SORCS1: variants seen among roughly 807,000 people sequenced by gnomAD.
SORCS1 encodes the protein VPS10 domain-containing receptor SorCS1.
SORCS1 carries 60 observed loss-of-function variants against 146.1 expected under a neutral mutation model. That is an observed-to-expected ratio of 0.41 (90% confidence interval 0.33 to 0.51). The LOEUF is 0.51. SORCS1 is among the 20% of genes least tolerant of loss of function. The probability of loss-of-function intolerance (pLI) is 0.21; values close to 1 mark genes in which losing one functional copy is unlikely to be tolerated. For synonymous variants in SORCS1, 637 were observed against 584.0 expected (o/e 1.09, Z -1.31); for missense variants, 1,352 against 1,487.6 (o/e 0.91, Z 1.50).
At chr10:106,819,453 T>C (rs1039942544) in intron 3 of SORCS1, among the ~76,000 whole-genome samples, 2 of 152,142 alleles carry the variant, frequency 1.3e-5, no homozygotes, top group African/African-American at 2.4e-5. Flanking sequence ...AATAACAAAG[T>C]GTATCTCCGC....
chr10:106,767,668 T>A (rs1859681079), intron 4 of SORCS1, among the ~76,000 whole-genome samples: 1 of 150,584 alleles, frequency 6.6e-6, no homozygotes, highest in East Asian at 2.0e-4. Flanking sequence ...TTTGTATTTT[T>A]AGTAGAGAGG....
chr10:106,740,624 GA>G (rs372667441), intron 5 of SORCS1, among the ~76,000 whole-genome samples: 17 of 151,130 alleles, frequency 1.1e-4, no homozygotes, highest in South Asian at 6.3e-4. Flanking sequence ...AGCTCCATCA[GA>G]AAAAAAAACC....
chr10:106,969,136 G>A (rs972014800), intron 1 of SORCS1, among the ~76,000 whole-genome samples: 9 of 152,204 alleles, frequency 5.9e-5, no homozygotes, highest in South Asian at 2.1e-4. Context: ...AAAATCCCAC[G>A]GAGGTTAAGT....
At chr10:107,134,171 T>C (rs1369535968) in intron 1 of SORCS1, among the ~76,000 whole-genome samples, 1 of 151,920 alleles carries the variant, frequency 6.6e-6, no homozygotes, top group African/African-American at 2.4e-5. Flanking sequence ...CCAGGGGGAG[T>C]TAGAAACTGA....
chr10:107,168,733 C>A (rs570809431), upstream of SORCS1, among the ~76,000 whole-genome samples: 58 of 144,582 alleles, frequency 4.0e-4, no homozygotes, highest in Non-Finnish European at 7.9e-4. Context: ...CCCCACTTCA[C>A]AGATGATATT....
At chr10:106,825,750 A>T (rs1020084583) in intron 3 of SORCS1, among the ~76,000 whole-genome samples, 33 of 151,976 alleles carry the variant, frequency 2.2e-4, no homozygotes, top group Admixed American at 8.5e-4. Flanking sequence ...GGTGGGGGGA[A>T]CTGCTCTCCC....
At chr10:106,614,919 C>T (rs958281523) in intron 21 of SORCS1, among the ~76,000 whole-genome samples, 1 of 152,060 alleles carries the variant, frequency 6.6e-6, no homozygotes, top group Non-Finnish European at 1.5e-5. Flanking sequence ...AAACTTGTGC[C>T]CTGGAGCAAA....
chr10:106,678,650 T>G (rs1852214039), intron 12 of SORCS1, among the ~76,000 whole-genome samples: 1 of 152,202 alleles, frequency 6.6e-6, no homozygotes. Flanking sequence ...ATGCCTGTTT[T>G]GTAAGCTATG....
chr10:106,650,509 C>T (rs907722093), intron 18 of SORCS1, among the ~76,000 whole-genome samples: 2 of 152,184 alleles, frequency 1.3e-5, no homozygotes, highest in Admixed American at 6.5e-5. Flanking sequence ...TTATGAAATA[C>T]CTCAGGGAGG....
At position 106,626,859 on chromosome 10, in the gene SORCS1, C is replaced by T. The variant is rs74463348; in HGVS notation, c.2662+2343G>A. 8.1e-4 allele frequency among the ~76,000 whole-genome samples: 123 copies of T among 152,234 alleles called. 1 individual carries two copies. Among genetic ancestry groups the T allele is most frequent in the African/African-American group, 2.8e-3 (116 of 41,534 alleles). The stretch of plus-strand genomic sequence containing the variant: ...ACACAGTTAGTACCAAAAAGCCAGG[C>T]TTAGAAAGAAGTTCCATTATATGAG... On this transcript the variant is annotated intron_variant, in intron 19 of 25. Transcript: ENST00000263054.
At chr10:106,694,829 G>A (rs1450149671) in intron 9 of SORCS1, among the ~76,000 whole-genome samples, 1 of 152,118 alleles carries the variant, frequency 6.6e-6, no homozygotes, top group Non-Finnish European at 1.5e-5. Flanking sequence ...GAATTTGTCA[G>A]CCAGGTGGCT....
At chr10:107,070,927 A>C (rs1048299337) in intron 1 of SORCS1, among the ~76,000 whole-genome samples, 3 of 152,192 alleles carry the variant, frequency 2.0e-5, no homozygotes, top group Admixed American at 6.5e-5. Context: ...CTTAAAAAAA[A>C]AAATAGTCCC....
At chr10:106,860,158 G>A (rs1044492571) in intron 2 of SORCS1, among the ~76,000 whole-genome samples, 6 of 152,188 alleles carry the variant, frequency 3.9e-5, no homozygotes, top group Admixed American at 1.3e-4. Context: ...TCATACAAAT[G>A]CATATGCAAA....
At chr10:107,111,467 A>G (rs1331293127) in intron 1 of SORCS1, among the ~76,000 whole-genome samples, 2 of 152,202 alleles carry the variant, frequency 1.3e-5, no homozygotes, top group Admixed American at 1.3e-4. Flanking sequence ...TCCACTATGC[A>G]GAAGAAATAA....
intron 3 of SORCS1, among the ~76,000 whole-genome samples, chr10:106,803,943 A>G (rs1156854298): frequency 6.6e-6 from 1 of 152,204 alleles, no homozygotes; most frequent in Non-Finnish European, 1.5e-5. Flanking sequence ...CAAAAGTGAC[A>G]CACGACCATT....
chr10:106,993,682 T>C (rs1256953856), intron 1 of SORCS1, among the ~76,000 whole-genome samples: 2 of 152,012 alleles, frequency 1.3e-5, no homozygotes, highest in Admixed American at 6.5e-5. Flanking sequence ...AATGTATACA[T>C]GAGGGAAAAA....
At chr10:106,712,782 G>A (rs375286654) in intron 6 of SORCS1, among the ~76,000 whole-genome samples, 235 of 152,246 alleles carry the variant, frequency 1.5e-3, no homozygotes, top group African/African-American at 5.2e-3. Flanking sequence ...AAATATTCCA[G>A]TTATATTTCT....
At chr10:107,094,803 C>T (rs550983347) in intron 1 of SORCS1, among the ~76,000 whole-genome samples, 18 of 152,206 alleles carry the variant, frequency 1.2e-4, no homozygotes, top group Admixed American at 3.3e-4. Context: ...CCCCTAAGAA[C>T]GGGAGAAGCA....
intron 1 of SORCS1, among the ~76,000 whole-genome samples, chr10:107,078,545 C>T (rs1963074222): frequency 6.6e-6 from 1 of 152,148 alleles, no homozygotes; most frequent in Non-Finnish European, 1.5e-5. Context: ...ACAATGAATG[C>T]CTTTGTTCTG....
Sources: allele counts gnomAD v4.1 joint callset (sites outside exome capture counted in the v4.1 genomes callset), GRCh38; gene constraint gnomAD v4.1.1; transcripts MANE v1.5; gene names NCBI Gene and HGNC (gene_info 2026-07-23, HGNC 2026-07-21).